The following EPHA5 variants were observed in gnomAD, a reference collection of about 807,000 sequenced individuals.
EPHA5 encodes ephrin type-A receptor 5.
A neutral mutation model predicts 105.0 loss-of-function variants in EPHA5; 60 were observed. The observed-to-expected ratio is 0.57, with a 90% CI of 0.46 to 0.71. The LOEUF (loss-of-function observed/expected upper bound fraction) is 0.71, where lower values mean the gene tolerates loss of function less well. EPHA5 is among the 30% of genes least tolerant of loss of function. The probability of loss-of-function intolerance (pLI) is 0.00; values close to 1 mark genes in which losing one functional copy is unlikely to be tolerated. For synonymous variants in EPHA5, 513 were observed against 449.1 expected (o/e 1.14, Z -1.80); for missense variants, 1,218 against 1,274.7 (o/e 0.96, Z 0.68).
chr4:65,578,571 T>C (rs542713295), intron 3 of EPHA5, among the ~76,000 whole-genome samples: 1 of 152,300 alleles, frequency 6.6e-6, no homozygotes, highest in Admixed American at 6.5e-5. Flanking sequence ...CGTTGTAAAC[T>C]TGTGAAGACT....
chr4:65,641,729 A>G (rs1268747029), intron 2 of EPHA5, among the ~76,000 whole-genome samples: 1 of 152,118 alleles, frequency 6.6e-6, no homozygotes, highest in Non-Finnish European at 1.5e-5. Flanking sequence ...CAATATTAAC[A>G]TCTGGTACAC....
At chr4:65,541,692 T>A (rs1360323017) in intron 3 of EPHA5, among the ~76,000 whole-genome samples, 1 of 151,772 alleles carries the variant, frequency 6.6e-6, no homozygotes, top group African/African-American at 2.4e-5. Context: ...GACAGATAAA[T>A]CAGACAGACA....
At position 65,365,959 on chromosome 4, in the gene EPHA5, T is replaced by C; in HGVS notation, c.1960A>G (p.Ile654Val). The stretch of plus-strand genomic sequence containing the variant: ...GCTCCAATAACTCTCTCAATGGTGA[T>C]ACATGATGCTTCTATCTCCTTAGCA... ...EFAKEIEASC[I>V]TIERVIGAGE... Residue 654 changes from isoleucine to valine, a missense_variant, in exon 10 of 17, where the codon ATC (isoleucine) becomes GTC (valine). Ile to Val is a conservative substitution (Grantham distance 29). Around this residue, in one of 3 missense-constraint regions of EPHA5, gnomAD observed 971 missense variants for 1,013.5 expected, o/e 0.96. Transcript: ENST00000613740. 4.4e-6 allele frequency: 7 copies of C among 1,608,940 alleles called. No homozygotes were observed. Among genetic ancestry groups the C allele is most frequent in the Non-Finnish European group, 6.0e-6 (7 of 1,176,392 alleles).
intron 8 of EPHA5, among the ~76,000 whole-genome samples, chr4:65,390,177 T>C (rs1720566370): frequency 6.6e-6 from 1 of 152,006 alleles, no homozygotes; most frequent in African/African-American, 2.4e-5. Context: ...AGCAAAGTAC[T>C]TAGCCTACAG....
At chr4:65,338,843 A>T (rs562053320) in intron 14 of EPHA5, among the ~76,000 whole-genome samples, 1 of 152,232 alleles carries the variant, frequency 6.6e-6, no homozygotes, top group South Asian at 2.1e-4. Flanking sequence ...AAATGATGGA[A>T]ATCTACCAAA....
chr4:65,630,862 T>G (rs568129696), intron 2 of EPHA5, among the ~76,000 whole-genome samples: 1 of 152,238 alleles, frequency 6.6e-6, no homozygotes, highest in East Asian at 1.9e-4. Context: ...AATAATTAAA[T>G]CAGCTTTATT....
intron 4 of EPHA5, among the ~76,000 whole-genome samples, chr4:65,493,146 C>T (rs1731583282): frequency 6.6e-6 from 1 of 151,974 alleles, no homozygotes; most frequent in South Asian, 2.1e-4. Context: ...CAAAAGGAAA[C>T]TCAAACTCAA....
chr4:65,373,385 A>G (rs1264546646), intron 8 of EPHA5, among the ~76,000 whole-genome samples: 1 of 151,962 alleles, frequency 6.6e-6, no homozygotes, highest in Non-Finnish European at 1.5e-5. Flanking sequence ...TTCGTGCTGT[A>G]TAAAAGGGAA....
intron 3 of EPHA5, among the ~76,000 whole-genome samples, chr4:65,555,287 G>A (rs1738316136): frequency 6.6e-6 from 1 of 151,848 alleles, no homozygotes; most frequent in Non-Finnish European, 1.5e-5. Context: ...AGAAATACCC[G>A]AGGGCTGTAT....
intron 5 of EPHA5, among the ~76,000 whole-genome samples, chr4:65,474,279 C>T (rs566548723): frequency 6.6e-5 from 10 of 151,930 alleles, no homozygotes; most frequent in East Asian, 1.9e-4. Flanking sequence ...CATCTTCAAA[C>T]GTCATTTACT....
At chr4:65,554,776 G>C (rs1738244740) in intron 3 of EPHA5, among the ~76,000 whole-genome samples, 1 of 151,406 alleles carries the variant, frequency 6.6e-6, no homozygotes, top group Non-Finnish European at 1.5e-5. Context: ...TTTTCATAAA[G>C]TAAATATTTA....
intron 8 of EPHA5, among the ~76,000 whole-genome samples, chr4:65,371,239 G>C (rs1375396171): frequency 2.6e-5 from 4 of 151,824 alleles, no homozygotes; most frequent in African/African-American, 9.7e-5. Flanking sequence ...ATGTCCTTTT[G>C]GAAAACAATG....
At chr4:65,548,901 G>C (rs753795057) in intron 3 of EPHA5, among the ~76,000 whole-genome samples, 3 of 152,122 alleles carry the variant, frequency 2.0e-5, no homozygotes, top group Non-Finnish European at 2.9e-5. Context: ...TGGGACTTAG[G>C]GAACTTGGAC....
chr4:65,504,922 T>C (rs1473924735), intron 3 of EPHA5, among the ~76,000 whole-genome samples: 1 of 152,054 alleles, frequency 6.6e-6, no homozygotes, highest in Non-Finnish European at 1.5e-5. Context: ...TAGATAAATT[T>C]ACGTTTTTAT....
chr4:65,576,059 A>AAAGAAAGAAAGAAAGAAAG (rs1491350087), intron 3 of EPHA5, among the ~76,000 whole-genome samples: 4 of 61,460 alleles, frequency 6.5e-5, no homozygotes, highest in African/African-American at 1.2e-4. Flanking sequence ...AGAAAGAAAG[A>AAAGAAAGAAAGAAAGAAAG]AAAGAAAAGA....
At position 65,627,862 on chromosome 4, in the gene EPHA5, A is replaced by G. The variant is rs182032879; in HGVS notation, c.246+15501T>C. ...TGTTAATATCTTTGTGCATGTTATA[A>G]TTGACCATCATGTCATATTTCAAAT... On this transcript the variant is annotated intron_variant, in intron 2 of 16. Coordinates refer to ENST00000613740, the MANE Select transcript of EPHA5 (RefSeq NM_001281766.3). Among the ~76,000 whole-genome samples, 17 of 152,260 alleles carry G rather than the reference A, an allele frequency of 1.1e-4. No individual in the cohort carries two copies. The East Asian group carries it at 3.3e-3, about 29-fold the overall frequency.
Position 65,476,125 on chromosome 4 carries a change from A to AGTGTGTGTGT in EPHA5, c.1402+14251_1402+14252insACACACACAC, listed in dbSNP as rs1472563369. ...GAGAGAGAGAGAGAGAGAGAGAGAG[A>AGTGTGTGTGT]GAGTGTGTGTGTGTGTGTGTGTGTG... On this transcript the variant is annotated intron_variant, in intron 5 of 16. Transcript: ENST00000613740. Among the ~76,000 whole-genome samples the AGTGTGTGTGT allele has an allele frequency of 6.2e-3, 819 of 132,236 alleles. 3 individuals are homozygous for AGTGTGTGTGT. Among genetic ancestry groups the AGTGTGTGTGT allele is most frequent in the African/African-American group, 0.023 (768 of 34,048 alleles). 86.8% of individuals were successfully genotyped at this position (132,236 alleles called of 152,430 possible).
intron 8 of EPHA5, among the ~76,000 whole-genome samples, chr4:65,372,474 A>G (rs1718573841): frequency 6.6e-6 from 1 of 151,816 alleles, no homozygotes; most frequent in Non-Finnish European, 1.5e-5. Context: ...AGTCATTTAT[A>G]TTTTCCTCAT....
At chr4:65,343,920 T>C (rs1365773121) in intron 14 of EPHA5, among the ~76,000 whole-genome samples, 1 of 152,108 alleles carries the variant, frequency 6.6e-6, no homozygotes, top group Non-Finnish European at 1.5e-5. Flanking sequence ...TTCTAAGTAA[T>C]TTGAAATACA....
Sources: allele counts gnomAD v4.1 joint callset (sites outside exome capture counted in the v4.1 genomes callset), GRCh38; gene constraint gnomAD v4.1.1; regional missense constraint gnomAD v4.1.1; transcripts MANE v1.5; gene names NCBI Gene and HGNC (gene_info 2026-07-23, HGNC 2026-07-21).